The following MGMT variants were observed in gnomAD, a reference collection of about 807,000 sequenced individuals.
The protein encoded by MGMT is O-6-methylguanine-DNA methyltransferase.
Under a neutral mutation model 15.9 loss-of-function variants are expected in MGMT, and 14 were observed. The observed-to-expected ratio is 0.88, with a 90% CI of 0.58 to 1.37. The LOEUF is 1.37. Among genes scored for constraint, MGMT ranks in the 40% most tolerant of loss-of-function variants. MGMT has a pLI of 0.00. For missense variants in MGMT, 282 were observed against 268.1 expected (o/e 1.05, Z -0.36); for synonymous variants, 130 against 118.2 (o/e 1.10, Z -0.65).
intron 2 of MGMT, among the ~76,000 whole-genome samples, chr10:129,665,125 C>T (rs1445945938): frequency 2.6e-5 from 4 of 151,436 alleles, no homozygotes; most frequent in African/African-American, 9.7e-5. Flanking sequence ...ACTCACCCAC[C>T]CATCCACTCC....
intron 2 of MGMT, among the ~76,000 whole-genome samples, chr10:129,584,179 AAC>A (rs1846591286): frequency 1.3e-5 from 2 of 152,166 alleles, no homozygotes; most frequent in South Asian, 2.1e-4. Context: ...AGGATTAGAA[AAC>A]ACAGTTTCTA....
At chr10:129,747,466 A>G (rs1368852343) in intron 3 of MGMT, among the ~76,000 whole-genome samples, 1 of 152,178 alleles carries the variant, frequency 6.6e-6, no homozygotes, top group Non-Finnish European at 1.5e-5. Context: ...TAGGATATTA[A>G]TATGATAGCT....
At chr10:129,743,277 C>T (rs190132916) in intron 3 of MGMT, among the ~76,000 whole-genome samples, 2 of 152,234 alleles carry the variant, frequency 1.3e-5, no homozygotes, top group Non-Finnish European at 2.9e-5. Context: ...TGCCGGCGAA[C>T]GCCACCATTT....
intron 3 of MGMT, among the ~76,000 whole-genome samples, chr10:129,717,173 G>A (rs578250381): frequency 5.9e-5 from 9 of 152,222 alleles, no homozygotes; most frequent in East Asian, 3.9e-4. Flanking sequence ...GACCAATTAC[G>A]GTATCAACTT....
Position 129,659,307 on chromosome 10 carries a change from A to G in MGMT, c.126-48588A>G, listed in dbSNP as rs139076584. 4.2e-3 allele frequency among the ~76,000 whole-genome samples: 629 copies of G among 151,118 alleles called. 2 individuals carry two copies. The highest frequency in any genetic ancestry group is 7.2e-3 in the Non-Finnish European group (492 of 67,980). ...GGGAGGCGGAGGTTGCAGTGAGCCA[A>G]GATCGCACCACTGCGCTCCAGCCTG... On this transcript the variant is annotated intron_variant, in intron 2 of 4. Transcript: ENST00000651593. The surrounding 1 kb of genome is among the most constrained non-coding windows in gnomAD (Gnocchi z 4.1).
intron 2 of MGMT, among the ~76,000 whole-genome samples, chr10:129,644,331 T>TA (rs1434988231): frequency 2.0e-5 from 3 of 152,068 alleles, no homozygotes; most frequent in African/African-American, 7.2e-5. Context: ...ACAATGGCAG[T>TA]ACACTGCGGC....
intron 1 of MGMT, among the ~76,000 whole-genome samples, chr10:129,468,586 TAAAA>T (rs756786015): frequency 6.8e-6 from 1 of 146,210 alleles, no homozygotes; most frequent in Admixed American, 6.9e-5. Flanking sequence ...ATATCTTCAT[TAAAA>T]AAAAAAAATC....
At chr10:129,512,186 A>C (rs935726923) in intron 1 of MGMT, among the ~76,000 whole-genome samples, 2 of 152,112 alleles carry the variant, frequency 1.3e-5, no homozygotes, top group African/African-American at 4.8e-5. Context: ...TCCCTGCTTT[A>C]ATTGACCTGA....
intron 2 of MGMT, among the ~76,000 whole-genome samples, chr10:129,562,794 G>A (rs1032268904): frequency 6.6e-6 from 1 of 152,170 alleles, no homozygotes; most frequent in Non-Finnish European, 1.5e-5. Flanking sequence ...AGTTAACACC[G>A]ATCTCACAAT....
chr10:129,751,122 T>C lies in MGMT; in HGVS notation c.275-8080T>C, dbSNP rs528352975. Among the ~76,000 whole-genome samples the C allele has an allele frequency of 2.6e-5, 4 of 152,168 alleles. No homozygotes were observed. In the South Asian group the frequency reaches 6.2e-4, roughly 24 times the overall value. On this transcript the variant is annotated intron_variant, in intron 3 of 4. Transcript: ENST00000651593. ...AAAAAATTATGTCAAATCAATCTTA[T>C]TTTTAAAACATTTTATAGAATTCAC...
intron 2 of MGMT, among the ~76,000 whole-genome samples, chr10:129,623,703 G>A (rs1376625107): frequency 6.6e-6 from 1 of 151,930 alleles, no homozygotes; most frequent in Non-Finnish European, 1.5e-5. Context: ...TAATTTTTTT[G>A]AAAGGACAAG....
intron 2 of MGMT, among the ~76,000 whole-genome samples, chr10:129,614,355 C>T (rs1222974444): frequency 2.6e-5 from 4 of 152,164 alleles, no homozygotes; most frequent in East Asian, 3.9e-4. Context: ...GTCTAAGACA[C>T]GTGGTCTAGG....
At chr10:129,538,285 C>T in intron 2 of MGMT, among the ~76,000 whole-genome samples, 1 of 152,178 alleles carries the variant, frequency 6.6e-6, no homozygotes, top group East Asian at 1.9e-4. Context: ...TTCCCTTGTG[C>T]CCCCTAAAGT....
At chr10:129,766,562 G>A (rs756071889) in intron 4 of MGMT, among the ~76,000 whole-genome samples, 5 of 152,144 alleles carry the variant, frequency 3.3e-5, no homozygotes, top group African/African-American at 4.8e-5. Flanking sequence ...CAGGACACTC[G>A]TCCCTCCCCC....
intron 3 of MGMT, among the ~76,000 whole-genome samples, chr10:129,747,180 T>G (rs1358402420): frequency 6.6e-6 from 1 of 152,220 alleles, no homozygotes; most frequent in Non-Finnish European, 1.5e-5. Context: ...GTTCTAAGAC[T>G]TTTCTATTAT....
chr10:129,579,367 G>A (rs895624194), intron 2 of MGMT, among the ~76,000 whole-genome samples: 1 of 152,296 alleles, frequency 6.6e-6, no homozygotes, highest in African/African-American at 2.4e-5. Context: ...CAGGAGTCCC[G>A]TGGGTCAGGA....
At chr10:129,691,419 A>G (rs944555368) in intron 2 of MGMT, among the ~76,000 whole-genome samples, 36 of 152,376 alleles carry the variant, frequency 2.4e-4, no homozygotes, top group African/African-American at 8.7e-4. Context: ...CGTCAGCCCC[A>G]GGCAGTGTCC....
intron 1 of MGMT, among the ~76,000 whole-genome samples, chr10:129,476,980 G>A (rs1845302574): frequency 6.6e-6 from 1 of 152,136 alleles, no homozygotes; most frequent in Non-Finnish European, 1.5e-5. Context: ...CTCCCCGCCT[G>A]TGGACCCCTC....
rs565880394 is a variant in MGMT at position 129,523,335 on chromosome 10, C to G, written c.-12-12906C>G. Among the ~76,000 whole-genome samples the G allele has an allele frequency of 3.9e-5, 6 of 152,348 alleles. No homozygotes were observed. In the South Asian group the frequency reaches 1.2e-3, roughly 32 times the overall value. On this transcript the variant is annotated intron_variant, in intron 1 of 4. Coordinates refer to ENST00000651593, the MANE Select transcript of MGMT (RefSeq NM_002412.5). ...CAGTTGGCATTATCGCGGATGTTAG[C>G]ATAGGAAGTTCTAGCGGGACTAGTT...
Sources: allele counts gnomAD v4.1 joint callset (sites outside exome capture counted in the v4.1 genomes callset), GRCh38; gene constraint gnomAD v4.1.1; non-coding constraint Gnocchi (gnomAD v3.1); transcripts MANE v1.5; gene names NCBI Gene and HGNC (gene_info 2026-07-23, HGNC 2026-07-21).